Variants in CDH12 observed in about 807,000 individuals in gnomAD.
CDH12 encodes cadherin 12.
CDH12 carries 41 observed loss-of-function variants against 74.1 expected under a neutral mutation model. The observed-to-expected ratio is 0.55, with a 90% confidence interval of 0.43 to 0.72. The LOEUF (loss-of-function observed/expected upper bound fraction) is 0.72. Among genes scored for constraint, CDH12 ranks in the 30% least tolerant of loss-of-function variants. The probability of loss-of-function intolerance (pLI) is 0.00; values close to 1 mark genes in which losing one functional copy is unlikely to be tolerated. For synonymous variants in CDH12, 399 were observed against 355.0 expected (o/e 1.12, Z -1.39); for missense variants, 945 against 977.2 (o/e 0.97, Z 0.44).
chr5:22,618,363 T>C (rs946182818), intron 1 of CDH12, among the ~76,000 whole-genome samples: 1 of 152,128 alleles, frequency 6.6e-6, no homozygotes, highest in African/African-American at 2.4e-5. Context: ...AGGATCAACA[T>C]TACAAGGACC....
intron 5 of CDH12, among the ~76,000 whole-genome samples, chr5:21,981,835 A>T (rs1423329523): frequency 6.6e-6 from 1 of 152,014 alleles, no homozygotes; most frequent in Non-Finnish European, 1.5e-5. Context: ...TGCTTAGCTA[A>T]TTTTTCTATT....
chr5:22,526,353 G>C (rs1737280431), intron 1 of CDH12, among the ~76,000 whole-genome samples: 1 of 152,184 alleles, frequency 6.6e-6, no homozygotes, highest in Admixed American at 6.5e-5. Flanking sequence ...AGAAGGGAAA[G>C]GTGATCAATA....
rs1749354962 is a variant in CDH12 at position 22,815,709 on chromosome 5, G to A, written c.-523+37349C>T. Among the ~76,000 whole-genome samples, 5 of 148,226 alleles carry A rather than the reference G, an allele frequency of 3.4e-5. No homozygotes were observed. In the South Asian group the frequency reaches 8.5e-4, roughly 25 times the overall value. On this transcript the variant is annotated intron_variant, in intron 1 of 14. Transcript: ENST00000382254. ...CGCTTGAACCTGGGAGATACAGTTTGCAGTGAGCTGAGATCATGCTGCTGC... is the reference window on the plus strand; with the variant it reads ...CGCTTGAACCTGGGAGATACAGTTTACAGTGAGCTGAGATCATGCTGCTGC...
chr5:22,567,739 A>G (rs901102051), intron 1 of CDH12, among the ~76,000 whole-genome samples: 2 of 152,224 alleles, frequency 1.3e-5, no homozygotes, highest in African/African-American at 4.8e-5. Context: ...GATTGAGTAC[A>G]TCCTATTTGC....
chr5:22,041,862 T>C (rs554668986), intron 5 of CDH12, among the ~76,000 whole-genome samples: 1 of 152,238 alleles, frequency 6.6e-6, no homozygotes, highest in East Asian at 1.9e-4. Context: ...CAGATTCTTC[T>C]CCCATGCACA....
At chr5:22,023,405 T>C (rs981595430) in intron 5 of CDH12, among the ~76,000 whole-genome samples, 7 of 152,200 alleles carry the variant, frequency 4.6e-5, no homozygotes, top group Admixed American at 2.6e-4. Context: ...TAAATAAACA[T>C]GCAAACATGT....
At chr5:22,108,270 C>T (rs575510583) in intron 4 of CDH12, among the ~76,000 whole-genome samples, 1 of 152,312 alleles carries the variant, frequency 6.6e-6, no homozygotes, top group African/African-American at 2.4e-5. Context: ...TGTCCCTTTG[C>T]TCTTCCTTCG....
chr5:21,872,783 GATCTATCTATCT>G (rs60717134), intron 6 of CDH12, among the ~76,000 whole-genome samples: 4,227 of 142,062 alleles, frequency 0.03, 117 homozygotes, highest in African/African-American at 0.068. Flanking sequence ...TTAAGAGTAA[GATCTATCTATCT>G]ATCTATCTAT....
intron 4 of CDH12, among the ~76,000 whole-genome samples, chr5:22,106,077 T>C (rs149729723): frequency 1.2e-3 from 179 of 152,296 alleles, no homozygotes; most frequent in African/African-American, 4.2e-3. Flanking sequence ...GTTCTTTCCA[T>C]GAAGATTTCT....
chr5:22,280,451 A>T (rs1736828495), intron 3 of CDH12, among the ~76,000 whole-genome samples: 1 of 152,172 alleles, frequency 6.6e-6, no homozygotes, highest in African/African-American at 2.4e-5. Context: ...TTTTGAAAAG[A>T]TCAACAAAAT....
At chr5:22,505,840 T>C (rs1350830152) in intron 1 of CDH12, among the ~76,000 whole-genome samples, 1 of 152,138 alleles carries the variant, frequency 6.6e-6, no homozygotes, top group South Asian at 2.1e-4. Context: ...ATTTGGCTGA[T>C]GTATTTCTCA....
In CDH12 at chr5:22,492,866, T is replaced by C. The variant is rs113293108; in HGVS notation, c.-428+12404A>G. Among the ~76,000 whole-genome samples, 1,075 of 152,148 alleles carry C rather than the reference T, an allele frequency of 7.1e-3. 14 individuals are homozygous for C. Among genetic ancestry groups the C allele is most frequent in the African/African-American group, 0.024 (1,004 of 41,530 alleles). ...ATTTTTTGTTTTATAATCCTGCCATTTCCTTGCTCAGTCCACTCTGAAGAC... is the reference window on the plus strand; with the variant it reads ...ATTTTTTGTTTTATAATCCTGCCATCTCCTTGCTCAGTCCACTCTGAAGAC... On this transcript the variant is annotated intron_variant, in intron 2 of 14. Coordinates refer to ENST00000382254, the MANE Select transcript of CDH12 (RefSeq NM_004061.5).
chr5:22,086,574 G>A (rs1743083394), intron 4 of CDH12, among the ~76,000 whole-genome samples: 1 of 151,888 alleles, frequency 6.6e-6, no homozygotes, highest in Non-Finnish European at 1.5e-5. Flanking sequence ...GGCCAGGCTG[G>A]CATTGAACTC....
chr5:22,538,112 A>T (rs1280556673), intron 1 of CDH12, among the ~76,000 whole-genome samples: 4 of 152,190 alleles, frequency 2.6e-5, no homozygotes, highest in Non-Finnish European at 5.9e-5. Context: ...GTTGGAAGGC[A>T]TCAGGCTAAT....
At chr5:22,613,898 T>C (rs1737548774) in intron 1 of CDH12, among the ~76,000 whole-genome samples, 1 of 152,162 alleles carries the variant, frequency 6.6e-6, no homozygotes, top group African/African-American at 2.4e-5. Flanking sequence ...TAACAACTTT[T>C]ATTAGATTTA....
chr5:22,381,281 A>G (rs1741748464), intron 3 of CDH12, among the ~76,000 whole-genome samples: 1 of 152,066 alleles, frequency 6.6e-6, no homozygotes, highest in Non-Finnish European at 1.5e-5. Context: ...TAATTAGTTA[A>G]AAATTATGCC....
intron 1 of CDH12, chr5:22,580,479 T>TCGTA: frequency 2.0e-6 from 1 of 502,482 alleles, no homozygotes; most frequent in South Asian, 1.5e-5. Flanking sequence ...GTCAGACAAG[T>TCGTA]CATACTTATG....
chr5:22,229,618 TC>T (rs1752316256), intron 3 of CDH12, among the ~76,000 whole-genome samples: 1 of 152,120 alleles, frequency 6.6e-6, no homozygotes, highest in Non-Finnish European at 1.5e-5. Context: ...GAAAGTAACT[TC>T]CCCTTAACCT....
chr5:22,488,813 C>T (rs948737896), intron 2 of CDH12, among the ~76,000 whole-genome samples: 1 of 152,054 alleles, frequency 6.6e-6, no homozygotes, highest in African/African-American at 2.4e-5. Context: ...CATTTGGCCA[C>T]ATTTGCCTCT....
Sources: gnomAD v4.1 joint callset for allele counts (sites outside exome capture counted in the v4.1 genomes callset) on GRCh38, gnomAD v4.1.1 for gene constraint, MANE v1.5 for transcripts, NCBI Gene and HGNC (gene_info 2026-07-23, HGNC 2026-07-21) for gene names.